The following SPATA13 variants were observed in gnomAD, a reference collection of about 807,000 sequenced individuals.
SPATA13 encodes the protein spermatogenesis associated 13.
Under a neutral mutation model 104.0 loss-of-function variants are expected in SPATA13, and 50 were observed. The ratio of observed to expected loss-of-function variants is 0.48; its 90% CI spans 0.38 to 0.61. The LOEUF (loss-of-function observed/expected upper bound fraction) is 0.61, where lower values mean the gene tolerates loss of function less well. Ranked by LOEUF, SPATA13 falls within the 20% of genes least tolerant of loss-of-function variation. The pLI, the probability that SPATA13 is intolerant of heterozygous loss-of-function variation, is 0.00. For missense variants in SPATA13, 1,524 were observed against 1,690.6 expected (o/e 0.90, Z 1.73); for synonymous variants, 606 against 667.5 (o/e 0.91, Z 1.42).
chr13:24,217,377 C>A (rs1187678655), intron 1 of SPATA13, among the ~76,000 whole-genome samples: 1 of 152,172 alleles, frequency 6.6e-6, no homozygotes, highest in East Asian at 1.9e-4. Context: ...CTACAAAGCA[C>A]AGGTCTGCTC....
At position 23,980,256 on chromosome 13, in the gene SPATA13, G is replaced by C. The variant is rs1487211928; in HGVS notation, c.-354+332G>C. On this transcript the variant is annotated intron_variant, in intron 1 of 14. Coordinates refer to the SPATA13 transcript ENST00000424834. ...AAGGGGTGAGCGCATAGGGGCGCCG[G>C]GGCAGTAGTTGCACAAAGCCAGCCT... Among the ~76,000 whole-genome samples the C allele has an allele frequency of 2.0e-5, 3 of 152,344 alleles. No individual in the cohort carries two copies. The East Asian group carries it at 5.8e-4, about 29-fold the overall frequency.
intron 4 of SPATA13, among the ~76,000 whole-genome samples, chr13:24,255,199 GAC>G (rs1476655811): frequency 6.6e-6 from 1 of 152,148 alleles, no homozygotes; most frequent in Non-Finnish European, 1.5e-5. Flanking sequence ...CTGTCCTGAG[GAC>G]ACAGTCACCA....
In SPATA13 at chr13:24,170,384, C is replaced by T. The variant is rs532824801; in HGVS notation, c.-112+9452C>T. ...TGGATGACTACATTTTTGTTGATGT[C>T]CTACCATAGGAGTCTAGTAGCCTTT... On this transcript the variant is annotated intron_variant, in intron 1 of 12. Transcript: ENST00000382108. Among the ~76,000 whole-genome samples, 4 of 152,296 alleles carry T rather than the reference C, an allele frequency of 2.6e-5. No individual in the cohort carries two copies. In the South Asian group the frequency reaches 8.3e-4, roughly 32 times the overall value.
At chr13:24,231,655 TTTAA>T (rs1299043496) in intron 2 of SPATA13, among the ~76,000 whole-genome samples, 1 of 152,232 alleles carries the variant, frequency 6.6e-6, no homozygotes, top group African/African-American at 2.4e-5. Context: ...CATTTCTATG[TTTAA>T]TTATTCGAGG....
At chr13:24,183,989 G>A (rs913171667) in intron 1 of SPATA13, among the ~76,000 whole-genome samples, 3 of 152,156 alleles carry the variant, frequency 2.0e-5, no homozygotes, top group Non-Finnish European at 4.4e-5. Context: ...CTACCCAGGA[G>A]AAAACTGAAA....
intron 3 of SPATA13, among the ~76,000 whole-genome samples, chr13:24,045,455 A>G (rs1476178779): frequency 1.2e-5 from 1 of 83,962 alleles, no homozygotes; most frequent in African/African-American, 4.6e-5. Flanking sequence ...ACATGAAAAC[A>G]TCAAATGCCC....
At chr13:24,236,907 T>A (rs1415051219) in intron 2 of SPATA13, among the ~76,000 whole-genome samples, 3 of 152,136 alleles carry the variant, frequency 2.0e-5, no homozygotes, top group African/African-American at 7.2e-5. Flanking sequence ...TCCAAAAGAA[T>A]TGAAAACAGG....
chr13:24,238,646 G>A (rs1214964516), intron 2 of SPATA13, among the ~76,000 whole-genome samples: 1 of 152,158 alleles, frequency 6.6e-6, no homozygotes, highest in African/African-American at 2.4e-5. Context: ...AGTGCCACAG[G>A]TAGGGGACAG....
chr13:24,222,689 T>C lies in SPATA13; in HGVS notation c.-111-130T>C. On this transcript the variant is annotated intron_variant, in intron 1 of 12. Transcript: ENST00000382108. ...TTATGAAGTGAATGGAGGGGAAATGTACAGTTTTAATTGAGTTTGAAGTAG... is the reference window on the plus strand; with the variant it reads ...TTATGAAGTGAATGGAGGGGAAATGCACAGTTTTAATTGAGTTTGAAGTAG... The C allele has an allele frequency of 1.1e-5, 8 of 711,184 alleles. No homozygotes were observed. In the South Asian group the frequency reaches 1.4e-4, roughly 13 times the overall value. 44.1% of individuals were successfully genotyped at this position (711,184 alleles called of 1,614,324 possible).
At chr13:24,140,034 A>T (rs1315999521) in intron 3 of SPATA13, among the ~76,000 whole-genome samples, 1 of 149,120 alleles carries the variant, frequency 6.7e-6, no homozygotes, top group Non-Finnish European at 1.5e-5. Context: ...GTGCCACTGC[A>T]CGCCAGCCTG....
intron 3 of SPATA13, among the ~76,000 whole-genome samples, chr13:24,098,606 A>C (rs113561904): frequency 2.0e-5 from 3 of 147,804 alleles, no homozygotes; most frequent in Non-Finnish European, 1.5e-5. Context: ...AAAAAAAAAA[A>C]AAGAAGAAGA....
intron 3 of SPATA13, among the ~76,000 whole-genome samples, chr13:24,115,807 G>C (rs936303423): frequency 3.3e-5 from 5 of 152,204 alleles, no homozygotes; most frequent in Non-Finnish European, 5.9e-5. Flanking sequence ...GAATAGAAGA[G>C]CCACTTCATG....
chr13:24,297,255 G>T, intron 10 of SPATA13, 108 bp from the exon 11 acceptor site: 1 of 1,343,874 alleles, frequency 7.4e-7, no homozygotes, highest in Non-Finnish European at 1.0e-6. Flanking sequence ...GCCCAGGCTG[G>T]TCTCAAACTC....
intron 3 of SPATA13, among the ~76,000 whole-genome samples, chr13:24,094,754 T>G (rs1475862983): frequency 2.0e-5 from 3 of 152,054 alleles, no homozygotes; most frequent in African/African-American, 7.2e-5. Context: ...CTGGGCAATA[T>G]AGCAAGACCC....
In SPATA13 at chr13:24,234,470, G is replaced by A. The variant is rs568536859; in HGVS notation, c.1653+9888G>A. ...CTTCTCTATAACAATTAAGATCAAAGGCCACCCAGGGTGGAATTGCTTTCA... is the reference window on the plus strand; with the variant it reads ...CTTCTCTATAACAATTAAGATCAAAAGCCACCCAGGGTGGAATTGCTTTCA... On this transcript the variant is annotated intron_variant, in intron 2 of 12. Transcript: ENST00000382108. Among the ~76,000 whole-genome samples the A allele has an allele frequency of 8.8e-4, 134 of 152,220 alleles. 3 individuals carry two copies. The South Asian group carries it at 0.011, about 12-fold the overall frequency.
intron 1 of SPATA13, among the ~76,000 whole-genome samples, chr13:24,191,040 C>A (rs1869704115): frequency 1.3e-5 from 2 of 152,216 alleles, no homozygotes; most frequent in African/African-American, 4.8e-5. Flanking sequence ...TGAGGCAAGA[C>A]CCTCCACCAG....
Position 24,223,413 on chromosome 13 carries a change from T to G in SPATA13, c.484T>G (p.Ser162Ala). 6.4e-7 allele frequency: 1 copy of G among 1,551,022 alleles called. No homozygotes were observed. The highest frequency in any genetic ancestry group is 8.7e-7 in the Non-Finnish European group (1 of 1,146,936). The change falls in exon 2 of 13, where the codon TCC (serine) becomes GCC (alanine). Residue 162 changes from serine to alanine, a missense_variant. This residue lies in a region of SPATA13 where 1,089 missense variants were observed against 1,135.9 expected (regional missense o/e 0.96). Coordinates refer to ENST00000382108, the MANE Select transcript of SPATA13 (RefSeq NM_001166271.3). ...CCCAGGAGCCCAGGCAAGCAGGGGC[T>G]CCCCCTTAGCACCGGGACCAGCATG... ...AVPGAQASRG[S>A]PLAPGPACGA...
intron 1 of SPATA13, among the ~76,000 whole-genome samples, chr13:24,173,640 C>T (rs1883094225): frequency 6.6e-6 from 1 of 151,568 alleles, no homozygotes; most frequent in Admixed American, 6.6e-5. Flanking sequence ...CTATTCCTGT[C>T]TCTCTAAAAA....
intron 3 of SPATA13, among the ~76,000 whole-genome samples, chr13:24,133,891 G>A (rs529967478): frequency 6.6e-6 from 1 of 152,234 alleles, no homozygotes; most frequent in East Asian, 1.9e-4. Context: ...AGAAGTGACA[G>A]CCTGCGTAGA....
Sources: gnomAD v4.1 joint callset for allele counts (sites outside exome capture counted in the v4.1 genomes callset) on GRCh38, gnomAD v4.1.1 for gene constraint, gnomAD v4.1.1 regional missense constraint, MANE v1.5 for transcripts, NCBI Gene and HGNC (gene_info 2026-07-23, HGNC 2026-07-21) for gene names.